Variants in HSPA1L observed in about 807,000 individuals in gnomAD.
HSPA1L encodes the protein heat shock 70 kDa protein 1-like.
Under a neutral mutation model 31.5 loss-of-function variants are expected in HSPA1L, and 21 were observed. The observed-to-expected ratio is 0.67, with a 90% CI of 0.47 to 0.96. The LOEUF is 0.96. Among genes scored for constraint, HSPA1L ranks in the 40% least tolerant of loss-of-function variants. The pLI, the probability that HSPA1L is intolerant of heterozygous loss-of-function variation, is 0.00. For synonymous variants in HSPA1L, 293 were observed against 323.1 expected (o/e 0.91, Z 1.00); for missense variants, 709 against 813.4 (o/e 0.87, Z 1.56).
intron 1 of HSPA1L, 84 bp downstream of exon 1, chr6:31,814,805 A>G (rs908753549): frequency 3.1e-5 from 23 of 746,704 alleles, no homozygotes; most frequent in Non-Finnish European, 3.8e-5. Context: ...GCTTAAACCA[A>G]CTAGGGAACT....
chr6:31,814,546 T>C (rs557399149), intron 1 of HSPA1L, among the ~76,000 whole-genome samples: 1 of 150,174 alleles, frequency 6.7e-6, no homozygotes, highest in South Asian at 2.1e-4. Flanking sequence ...TAAATAAAAA[T>C]AAAATAAAGG....
In HSPA1L at chr6:31,810,324, T is replaced by A; in HGVS notation, c.1649A>T (p.Asn550Ile). Residue 550 changes from asparagine (N) to isoleucine (I), a missense_variant, in exon 2 of 2, where the codon AAC becomes ATC. Coordinates refer to ENST00000375654, the MANE Select transcript of HSPA1L (RefSeq NM_005527.4). Reference protein sequence around the residue: ...AKNALESYAFNMKSVVSDEGL... With the variant: ...AKNALESYAFIMKSVVSDEGL... ...TTCATCACTCACAACACTCTTCATGTTAAAAGCATAGGATTCTAAGGCATT... is the reference window on the plus strand; with the variant it reads ...TTCATCACTCACAACACTCTTCATGATAAAAGCATAGGATTCTAAGGCATT... The A allele has an allele frequency of 1.9e-6, 3 of 1,592,388 alleles. No homozygotes were observed. Among genetic ancestry groups the A allele is most frequent in the East Asian group, 2.2e-5 (1 of 44,820 alleles).
In HSPA1L at chr6:31,811,245, A is replaced by G; in HGVS notation, c.728T>C (p.Phe243Ser). 6.2e-7 allele frequency: 1 copy of G among 1,614,086 alleles called. No individual in the cohort carries two copies. Among genetic ancestry groups the G allele is most frequent in the Non-Finnish European group, 8.5e-7 (1 of 1,180,032 alleles). ...GTGTTTCCTCTTGAACTCCTCCACG[A>G]AGTGGCTCACAAGCCTGTTGTCAAA... ...EDFDNRLVSHFVEEFKRKHKK... is the reference protein window; with the variant it reads ...EDFDNRLVSHSVEEFKRKHKK... The change falls in exon 2 of 2, where the codon TTC becomes TCC. Residue 243 changes from phenylalanine (F) to serine (S), a missense_variant. Phe to Ser is a radical substitution (Grantham distance 155). Transcript: ENST00000375654.
Position 31,810,762 on chromosome 6 carries a change from C to T in HSPA1L, c.1211G>A (p.Gly404Glu), listed in dbSNP as rs372714721. 1.9e-6 allele frequency: 3 copies of T among 1,613,938 alleles called. No homozygotes were observed. The highest frequency in any genetic ancestry group is 2.7e-5 in the African/African-American group (2 of 74,880). Residue 404 changes from glycine to glutamate, a missense_variant, in exon 2 of 2, where the codon GGG (glycine) becomes GAG (glutamate). Gly to Glu is a moderately conservative substitution (Grantham distance 98). Coordinates refer to ENST00000375654, the MANE Select transcript of HSPA1L (RefSeq NM_005527.4). ...LLLDVAPLSLGLETAGGVMTA... is the reference protein window; with the variant it reads ...LLLDVAPLSLELETAGGVMTA... ...CATCACGCCCCCAGCCGTCTCCAGCCCCAGGGACAGGGGAGCCACGTCCAG... is the reference window on the plus strand; with the variant it reads ...CATCACGCCCCCAGCCGTCTCCAGCTCCAGGGACAGGGGAGCCACGTCCAG...
intron 1 of HSPA1L, 100 bp downstream of exon 1, chr6:31,814,789 C>A: frequency 7.4e-6 from 4 of 537,660 alleles, no homozygotes; most frequent in Non-Finnish European, 9.5e-6. Context: ...CGCCCACATA[C>A]CTCAGGCTTA....
In HSPA1L at chr6:31,810,684, A is replaced by G. The variant is rs1815345987; in HGVS notation, c.1289T>C (p.Phe430Ser). The change falls in exon 2 of 2, where the codon TTC (phenylalanine) becomes TCC (serine). Residue 430 changes from phenylalanine (F) to serine (S), a missense_variant. By Grantham distance (155) the Phe-to-Ser change is radical. Coordinates refer to ENST00000375654, the MANE Select transcript of HSPA1L (RefSeq NM_005527.4). ...GGGTTGGTTGTCAGAGTAGGTGGTG[A>G]AAATCTGTGTCTGCTTGGTGGGGAT... ...STIPTKQTQIFTTYSDNQPGV... is the reference protein window; with the variant it reads ...STIPTKQTQISTTYSDNQPGV... The G allele has an allele frequency of 6.2e-7, 1 of 1,613,986 alleles. No homozygotes were observed. Among genetic ancestry groups the G allele is most frequent in the Non-Finnish European group, 8.5e-7 (1 of 1,179,988 alleles).
chr6:31,812,202 G>T (rs1022732135), intron 1 of HSPA1L, among the ~76,000 whole-genome samples: 1 of 149,396 alleles, frequency 6.7e-6, no homozygotes, highest in East Asian at 2.0e-4. Flanking sequence ...TTTTTGAGAC[G>T]GAGTCTTGCT....
chr6:31,813,113 G>T (rs1021611596), intron 1 of HSPA1L, among the ~76,000 whole-genome samples: 4 of 152,160 alleles, frequency 2.6e-5, no homozygotes, highest in Non-Finnish European at 5.9e-5. Context: ...TTGAGCCAAG[G>T]CGCCCGACCT....
Position 31,811,065 on chromosome 6 carries a change from C to A in HSPA1L, c.908G>T (p.Arg303Leu). The A allele has an allele frequency of 6.2e-7, 1 of 1,614,182 alleles. No homozygotes were observed. Among genetic ancestry groups the A allele is most frequent in the South Asian group, 1.1e-5 (1 of 91,084 alleles). Residue 303 changes from arginine (R) to leucine (L), a missense_variant, in exon 2 of 2, where the codon CGA (arginine) becomes CTA (leucine). Transcript: ENST00000375654. Reference protein sequence around the residue: ...IDFYTSITRARFEELCADLFR... With the variant: ...IDFYTSITRALFEELCADLFR... ...CAGGTCTGCACACAACTCTTCAAATCGAGCTCTGGTGATGGATGTATAGAA... is the reference window on the plus strand; with the variant it reads ...CAGGTCTGCACACAACTCTTCAAATAGAGCTCTGGTGATGGATGTATAGAA...
At position 31,810,771 on chromosome 6, in the gene HSPA1L, AG is replaced by A; in HGVS notation, c.1201del (p.Leu401CysfsTer11). 1 of 1,614,142 alleles carries A rather than the reference AG, an allele frequency of 6.2e-7. No homozygotes were observed. Among genetic ancestry groups the A allele is most frequent in the Non-Finnish European group, 8.5e-7 (1 of 1,180,006 alleles). On this transcript the variant is annotated frameshift_variant, in exon 2 of 2. Transcript: ENST00000375654. LOFTEE classifies it high-confidence loss of function. ...CCCAGCCGTCTCCAGCCCCAGGGAC[AG>A]GGGAGCCACGTCCAGCAGCAGCAGG... ...QDLLLLDVAP[L>X]SLGLETAGGV... is the part of the protein sequence containing the mutation.
At position 31,811,304 on chromosome 6, in the gene HSPA1L, G is replaced by C. The variant is rs757945379; in HGVS notation, c.669C>G (p.Ala223=). The part of the protein sequence containing the change: ...TIDDGIFEVK[A]TAGDTHLGGE... The stretch of plus-strand genomic sequence containing the variant: ...CACCCAGGTGAGTGTCCCCAGCAGT[G>C]GCCTTTACCTCAAAAATCCCATCAT... The change falls in exon 2 of 2, where the codon GCC becomes GCG. Residue 223 remains alanine (A), a synonymous_variant. Transcript: ENST00000375654. 1 of 1,614,124 alleles carries C rather than the reference G, an allele frequency of 6.2e-7. No individual in the cohort carries two copies. The highest frequency in any genetic ancestry group is 8.5e-7 in the Non-Finnish European group (1 of 1,180,028).
Position 31,814,906 on chromosome 6 carries a change from T to A in HSPA1L, c.-31A>T, listed in dbSNP as rs1278806435. The A allele has an allele frequency of 1.0e-6, 1 of 985,452 alleles. No individual in the cohort carries two copies. The allele number at this position is 985,452 out of a possible 1,614,324, so 61.0% of individuals were successfully genotyped here. On this transcript the variant is annotated 5_prime_UTR_variant, in exon 1 of 2. Transcript: ENST00000375654. ...TGGCTCACCTAGTCTCCCGACGCCT[T>A]CGCTTCAGTTTGGAAACGTCCAGAT...
Position 31,811,007 on chromosome 6 carries a change from C to T in HSPA1L, c.966G>A (p.Ala322=), listed in dbSNP as rs145936073. ...CCTTATCCATCTTGGCATCCCGAAG[C>T]GCTTTTTCTACAGGCTCCAGGGTAC... The part of the protein sequence containing the change: ...FRGTLEPVEK[A]LRDAKMDKAK... The change falls in exon 2 of 2, where the codon GCG becomes GCA. Residue 322 remains alanine (A), a synonymous_variant. Coordinates refer to ENST00000375654, the MANE Select transcript of HSPA1L (RefSeq NM_005527.4). The T allele has an allele frequency of 1.8e-4, 289 of 1,614,064 alleles. No individual in the cohort carries two copies. Among genetic ancestry groups the T allele is most frequent in the Non-Finnish European group, 2.2e-4 (256 of 1,180,018 alleles).
At chr6:31,814,717 G>T (rs1245687614) in intron 1 of HSPA1L, among the ~76,000 whole-genome samples, 172 bp downstream of exon 1, 1 of 138,918 alleles carries the variant, frequency 7.2e-6, no homozygotes, top group South Asian at 2.4e-4. Flanking sequence ...TGGCTGCTCC[G>T]ACCAATCAAT....
Position 31,811,261 on chromosome 6 carries a change from T to C in HSPA1L, c.712A>G (p.Arg238Gly). 6.2e-7 allele frequency: 1 copy of C among 1,614,160 alleles called. No homozygotes were observed. The highest frequency in any genetic ancestry group is 1.3e-5 in the African/African-American group (1 of 75,068). ...THLGGEDFDN[R>G]LVSHFVEEFK... ...TCCTCCACGAAGTGGCTCACAAGCC[T>C]GTTGTCAAAGTCCTCCCCACCCAGG... The change falls in exon 2 of 2, where the codon AGG becomes GGG. Residue 238 changes from arginine to glycine, a missense_variant. Coordinates refer to ENST00000375654, the MANE Select transcript of HSPA1L (RefSeq NM_005527.4).
chr6:31,809,881 C>G lies in HSPA1L; in HGVS notation c.*166G>C, dbSNP rs1815288285. The G allele has an allele frequency of 2.1e-6, 1 of 481,862 alleles. No homozygotes were observed. The highest frequency in any genetic ancestry group is 2.0e-5 in the African/African-American group (1 of 50,538). 29.8% of individuals were successfully genotyped at this position (481,862 alleles called of 1,614,324 possible). On this transcript the variant is annotated 3_prime_UTR_variant, in exon 2 of 2. Transcript: ENST00000375654. ...CCTGAGTCCATTCCAAAGTCAGAAA[C>G]AGGATGTGAGGGAGTGTGATAGGTG... is the stretch of plus-strand genomic sequence containing the variant.
In HSPA1L at chr6:31,811,124, G is replaced by A; in HGVS notation, c.849C>T (p.Asn283=). 1.2e-6 allele frequency: 2 copies of A among 1,614,146 alleles called. No individual in the cohort carries two copies. The highest frequency in any genetic ancestry group is 1.7e-6 in the Non-Finnish European group (2 of 1,180,046). ...KRTLSSSTQA[N]LEIDSLYEGI... ...CTTCATAAAGTGAATCAATTTCTAG[G>A]TTGGCCTGGGTGCTGGACGACAGGG... Residue 283 remains asparagine (N), a synonymous_variant, in exon 2 of 2, where the codon AAC becomes AAT. Coordinates refer to ENST00000375654, the MANE Select transcript of HSPA1L (RefSeq NM_005527.4).
At chr6:31,814,201 G>A (rs1002327850) in intron 1 of HSPA1L, among the ~76,000 whole-genome samples, 1 of 152,158 alleles carries the variant, frequency 6.6e-6, no homozygotes, top group Non-Finnish European at 1.5e-5. Context: ...GGGGTCAGGA[G>A]AACGAGACCA....
At position 31,811,096 on chromosome 6, in the gene HSPA1L, T is replaced by A; in HGVS notation, c.877A>T (p.Ile293Phe). 2 of 1,614,236 alleles carry A rather than the reference T, an allele frequency of 1.2e-6. No homozygotes were observed. Among genetic ancestry groups the A allele is most frequent in the Non-Finnish European group, 1.7e-6 (2 of 1,180,042 alleles). ...NLEIDSLYEG[I>F]DFYTSITRAR... ...CTGGTGATGGATGTATAGAAGTCAA[T>A]GCCTTCATAAAGTGAATCAATTTCT... The change falls in exon 2 of 2, where the codon ATT (isoleucine) becomes TTT (phenylalanine). Residue 293 changes from isoleucine to phenylalanine, a missense_variant. Ile to Phe is a conservative substitution (Grantham distance 21). Transcript: ENST00000375654.
Sources: allele counts gnomAD v4.1 joint callset (sites outside exome capture counted in the v4.1 genomes callset), GRCh38; gene constraint gnomAD v4.1.1; transcripts MANE v1.5; gene names NCBI Gene and HGNC (gene_info 2026-07-23, HGNC 2026-07-21).